The following EFCAB11 variants were observed in gnomAD, a reference collection of about 807,000 sequenced individuals.
EFCAB11 encodes EF-hand calcium binding domain 11, also known as EF-hand calcium-binding domain-containing protein 11.
In EFCAB11, 14 loss-of-function variants were observed where a neutral mutation model predicts 23.0. That is an observed-to-expected ratio of 0.61 (90% confidence interval 0.40 to 0.95). EFCAB11 has a LOEUF of 0.95. Ranked by LOEUF, EFCAB11 falls within the 40% of genes least tolerant of loss-of-function variation. The pLI, the probability that EFCAB11 is intolerant of heterozygous loss-of-function variation, is 0.00. For synonymous variants in EFCAB11, 65 were observed against 66.6 expected (o/e 0.98, Z 0.11); for missense variants, 198 against 195.8 (o/e 1.01, Z -0.07).
At chr14:89,951,097 C>T (rs1013835655) in intron 2 of EFCAB11, among the ~76,000 whole-genome samples, 1 of 151,522 alleles carries the variant, frequency 6.6e-6, no homozygotes, top group Non-Finnish European at 1.5e-5. Flanking sequence ...GCAGTAAAAT[C>T]TAACGGTGGA....
intron 5 of EFCAB11, among the ~76,000 whole-genome samples, chr14:89,867,824 C>T (rs1050996241): frequency 2.6e-5 from 4 of 152,060 alleles, no homozygotes; most frequent in Admixed American, 1.3e-4. Context: ...AGGCAGCTGG[C>T]GACTGTGGAG....
chr14:89,815,202 A>C (rs918826060), intron 5 of EFCAB11, among the ~76,000 whole-genome samples: 3 of 152,234 alleles, frequency 2.0e-5, no homozygotes, highest in Non-Finnish European at 4.4e-5. Flanking sequence ...GAATAGCCCA[A>C]GAGAACGTCC....
At chr14:89,902,251 C>G (rs1335495814) in intron 5 of EFCAB11, among the ~76,000 whole-genome samples, 1 of 152,178 alleles carries the variant, frequency 6.6e-6, no homozygotes, top group Non-Finnish European at 1.5e-5. Flanking sequence ...TGTCAGCCCT[C>G]AAAAACATCT....
At chr14:89,920,938 G>A (rs1484077576) in intron 5 of EFCAB11, among the ~76,000 whole-genome samples, 3 of 151,954 alleles carry the variant, frequency 2.0e-5, no homozygotes, top group South Asian at 2.1e-4. Flanking sequence ...AGTGGTGGGC[G>A]CCTGTAATCC....
At chr14:89,843,547 C>T (rs946862601) in intron 5 of EFCAB11, among the ~76,000 whole-genome samples, 4 of 152,184 alleles carry the variant, frequency 2.6e-5, no homozygotes, top group Admixed American at 1.3e-4. Flanking sequence ...TTTTCATAGT[C>T]TTTTCAGATG....
At chr14:89,825,680 T>C (rs749404076) in intron 5 of EFCAB11, among the ~76,000 whole-genome samples, 2 of 152,128 alleles carry the variant, frequency 1.3e-5, no homozygotes, top group Non-Finnish European at 2.9e-5. Context: ...AAATAGTATA[T>C]GTAATTTGTG....
At chr14:89,886,517 C>CAAAAAAAAAAAAAAAAAAAAAAAAAAAA (rs762288481) in intron 5 of EFCAB11, among the ~76,000 whole-genome samples, 1 of 14,886 alleles carries the variant, frequency 6.7e-5, no homozygotes, top group Non-Finnish European at 1.1e-4. Context: ...AACTCCGTCT[C>CAAAAAAAAAAAAAAAAAAAAAAAAAAAA]AAAAAAAAAA....
chr14:89,859,191 T>C lies in EFCAB11; in HGVS notation c.411-61867A>G, dbSNP rs73318899. On this transcript the variant is annotated intron_variant, in intron 5 of 5. Transcript: ENST00000316738. ...TCTGGTGGTTTGGGCACTTACATAA[T>C]TTCACTTATTTAAAACTATAACTTG... Among the ~76,000 whole-genome samples the C allele has an allele frequency of 5.4e-3, 818 of 152,308 alleles. 9 individuals are homozygous for C. The highest frequency in any genetic ancestry group is 0.019 in the African/African-American group (777 of 41,560).
chr14:89,838,182 A>G (rs1887146474), intron 5 of EFCAB11, among the ~76,000 whole-genome samples: 2 of 152,208 alleles, frequency 1.3e-5, no homozygotes, highest in Admixed American at 1.3e-4. Flanking sequence ...GAATGAGGAG[A>G]TTCATATCCG....
At chr14:89,953,854 C>T in intron 2 of EFCAB11, 52 bp downstream of exon 2, 3 of 1,451,004 alleles carry the variant, frequency 2.1e-6, no homozygotes, top group Middle Eastern at 3.5e-4. Context: ...TTCTTAGGAT[C>T]CATTCACCTT....
chr14:89,874,883 CTG>C (rs1345367357), intron 5 of EFCAB11, among the ~76,000 whole-genome samples: 4 of 150,856 alleles, frequency 2.7e-5, no homozygotes, highest in African/African-American at 9.8e-5. Context: ...CAGAGTGAAA[CTG>C]TCTCAAAAAA....
intron 5 of EFCAB11, among the ~76,000 whole-genome samples, chr14:89,838,820 T>C (rs1291315123): frequency 6.6e-6 from 1 of 152,176 alleles, no homozygotes; most frequent in Non-Finnish European, 1.5e-5. Flanking sequence ...TCCTGACTCA[T>C]AAAAAAGAGT....
chr14:89,801,583 A>T (rs2140075420), intron 5 of EFCAB11, among the ~76,000 whole-genome samples: 1 of 152,350 alleles, frequency 6.6e-6, no homozygotes. Context: ...AAGTACAGGA[A>T]GACCTCAGAT....
intron 3 of EFCAB11, among the ~76,000 whole-genome samples, chr14:89,949,387 A>G (rs946797949): frequency 1.3e-5 from 2 of 152,212 alleles, no homozygotes; most frequent in Non-Finnish European, 2.9e-5. Context: ...ATTTGGAGAC[A>G]GAGTTTCACT....
rs183887412 is a variant in EFCAB11, at chr14:89,803,693, A to G, written c.411-6369T>C. On this transcript the variant is annotated intron_variant, in intron 5 of 5. Coordinates refer to ENST00000316738, the MANE Select transcript of EFCAB11 (RefSeq NM_145231.4). ...AAGCTGTCATACTGACTGAACAGTG[A>G]AAGTAAAAATTACCCTCCAAGCAAG... Among the ~76,000 whole-genome samples, 58 of 152,336 alleles carry G rather than the reference A, an allele frequency of 3.8e-4. No homozygotes were observed. The East Asian group carries it at 0.01, about 26-fold the overall frequency.
chr14:89,917,205 C>T (rs1889879046), intron 5 of EFCAB11, among the ~76,000 whole-genome samples: 1 of 152,040 alleles, frequency 6.6e-6, no homozygotes, highest in African/African-American at 2.4e-5. Context: ...AATTCATTCA[C>T]CCTGTAACTA....
intron 5 of EFCAB11, chr14:89,837,213 C>A: frequency 2.3e-6 from 1 of 434,138 alleles, no homozygotes; most frequent in Non-Finnish European, 4.7e-6. Context: ...TATTTATTCT[C>A]TATTTGCATA....
chr14:89,918,395 C>A (rs1057119293), intron 5 of EFCAB11, among the ~76,000 whole-genome samples: 4 of 151,716 alleles, frequency 2.6e-5, no homozygotes, highest in South Asian at 2.1e-4. Flanking sequence ...AAAAATTAGC[C>A]GGGCATGGTA....
intron 5 of EFCAB11, among the ~76,000 whole-genome samples, chr14:89,894,318 A>G (rs1889090882): frequency 6.6e-6 from 1 of 151,772 alleles, no homozygotes; most frequent in Admixed American, 6.6e-5. Flanking sequence ...TTACATAGGT[A>G]TACAAGTGCC....
Sources: gnomAD v4.1 joint callset for allele counts (sites outside exome capture counted in the v4.1 genomes callset) on GRCh38, gnomAD v4.1.1 for gene constraint, MANE v1.5 for transcripts, NCBI Gene and HGNC (gene_info 2026-07-23, HGNC 2026-07-21) for gene names.